The following NF1 variants were observed in gnomAD, a reference collection of about 807,000 sequenced individuals.
NF1 encodes neurofibromin.
A neutral mutation model predicts 325.7 loss-of-function variants in NF1; 122 were observed. The ratio of observed to expected loss-of-function variants is 0.37; its 90% CI spans 0.32 to 0.44. NF1 has a LOEUF of 0.44. NF1 is among the 20% of genes least tolerant of loss of function. The pLI is 1.00. For synonymous variants in NF1, 1,091 were observed against 1,186.0 expected, an observed-to-expected ratio of 0.92 and a Z score of 1.65; for missense variants, 2,140 against 3,415.4, an observed-to-expected ratio of 0.63 and a Z score of 9.31.
intron 14 of NF1, among the ~76,000 whole-genome samples, chr17:31,221,579 T>G (rs986109799): frequency 4.6e-5 from 7 of 152,174 alleles, no homozygotes; most frequent in African/African-American, 1.4e-4. Context: ...TTTACAGTTA[T>G]ATATTGTTCC....
chr17:31,127,223 C>T (rs1042500695), intron 1 of NF1, among the ~76,000 whole-genome samples: 4 of 152,082 alleles, frequency 2.6e-5, no homozygotes, highest in Non-Finnish European at 5.9e-5. Flanking sequence ...TAAAGTATGG[C>T]AGGTCCCCAA....
At chr17:31,296,333 A>G (rs375821203) in intron 36 of NF1, 43 of 1,613,910 alleles carry the variant, frequency 2.7e-5, no homozygotes, top group Admixed American at 3.3e-5. Flanking sequence ...ATATTCCATC[A>G]AAGCCTAGAA....
chr17:31,119,365 C>T (rs1000947345), intron 1 of NF1, among the ~76,000 whole-genome samples: 2 of 151,932 alleles, frequency 1.3e-5, no homozygotes, highest in African/African-American at 4.8e-5. Context: ...TCTCTAATGA[C>T]CAGTGATGAT....
At chr17:31,140,697 C>A (rs1327302943) in intron 1 of NF1, among the ~76,000 whole-genome samples, 1 of 152,114 alleles carries the variant, frequency 6.6e-6, no homozygotes. Flanking sequence ...ATGGAAACAA[C>A]CTAAATGTCT....
intron 48 of NF1, chr17:31,346,150 C>G (rs2069977424): frequency 6.2e-7 from 1 of 1,611,186 alleles, no homozygotes; most frequent in East Asian, 2.2e-5. Flanking sequence ...ACACTTTTCT[C>G]AAACAAGATC....
intron 36 of NF1, among the ~76,000 whole-genome samples, chr17:31,298,540 C>T (rs1334576190): frequency 6.6e-6 from 1 of 152,082 alleles, no homozygotes; most frequent in Non-Finnish European, 1.5e-5. Context: ...ACAAGAGAAA[C>T]TATACTCTAG....
At chr17:31,255,568 T>G (rs956324872) in intron 31 of NF1, among the ~76,000 whole-genome samples, 17 of 152,198 alleles carry the variant, frequency 1.1e-4, no homozygotes, top group African/African-American at 3.9e-4. Context: ...ACAGTATGTG[T>G]TCCTGAGGTG....
intron 36 of NF1, among the ~76,000 whole-genome samples, chr17:31,266,921 T>G (rs894953712): frequency 2.7e-5 from 4 of 146,634 alleles, no homozygotes; most frequent in Non-Finnish European, 4.5e-5. Flanking sequence ...CTGCTGCTTA[T>G]TAGCTGCATA....
At chr17:31,183,009 T>G (rs17883361) in intron 8 of NF1, 222 of 544,390 alleles carry the variant, frequency 4.1e-4, no homozygotes, top group African/African-American at 3.7e-3. Flanking sequence ...ACTTTTATAG[T>G]GTGTTATTTG....
chr17:31,118,339 T>A (rs1914135328), intron 1 of NF1, among the ~76,000 whole-genome samples: 1 of 151,962 alleles, frequency 6.6e-6, no homozygotes, highest in African/African-American at 2.4e-5. Flanking sequence ...ACGTGCAGAA[T>A]GTGCAGGTTT....
intron 1 of NF1, among the ~76,000 whole-genome samples, chr17:31,132,212 G>A (rs930930358): frequency 2.0e-5 from 3 of 151,944 alleles, no homozygotes; most frequent in Admixed American, 6.5e-5. Flanking sequence ...GATTACAGGC[G>A]TGAGCCACTG....
At chr17:31,193,915 G>A (rs1192149724) in intron 8 of NF1, among the ~76,000 whole-genome samples, 2 of 152,192 alleles carry the variant, frequency 1.3e-5, no homozygotes, top group East Asian at 1.9e-4. Flanking sequence ...GTGGAGATAA[G>A]TGAACTCTTA....
At chr17:31,294,245 A>G (rs1471995796) in intron 36 of NF1, among the ~76,000 whole-genome samples, 1 of 152,206 alleles carries the variant, frequency 6.6e-6, no homozygotes, top group Non-Finnish European at 1.5e-5. Flanking sequence ...TCTGCACTAA[A>G]ACTGCTTCTT....
intron 57 of NF1, 99 bp from the exon 58 acceptor site, chr17:31,373,914 T>G (rs1346210371): frequency 2.0e-5 from 30 of 1,474,488 alleles, no homozygotes; most frequent in Non-Finnish European, 2.5e-5. Flanking sequence ...AATGATTGTT[T>G]CCTAGAATGT....
In NF1 at chr17:31,104,021, T is replaced by A. The variant is rs534540464; in HGVS notation, c.60+8652T>A. Among the ~76,000 whole-genome samples, 720 of 150,368 alleles carry A rather than the reference T, an allele frequency of 4.8e-3. 8 individuals are homozygous for A. The highest frequency in any genetic ancestry group is 0.017 in the African/African-American group (683 of 40,964). ...GGGTGAGACCCTGTCTCAAAAAAAA[T>A]TTTTTTTTTTAATATGGAGAAAGTA... On this transcript the variant is annotated intron_variant, in intron 1 of 57. Transcript: ENST00000358273.
chr17:31,356,083 C>G (rs918647617), intron 51 of NF1: 3 of 177,982 alleles, frequency 1.7e-5, no homozygotes, highest in Admixed American at 1.1e-4. Flanking sequence ...AGCAGCGTTT[C>G]TTAAACTGAA....
chr17:31,337,667 T>C (rs2069711967), intron 43 of NF1, 85 bp downstream of exon 43: 2 of 1,429,716 alleles, frequency 1.4e-6, no homozygotes, highest in Admixed American at 3.7e-5. Context: ...TATTGGTTTA[T>C]TGTGCTATTT....
chr17:31,260,623 G>A (rs1395891501), intron 34 of NF1, 108 bp downstream of exon 34: 14 of 1,287,436 alleles, frequency 1.1e-5, no homozygotes, highest in Non-Finnish European at 1.6e-5. Context: ...CTTGGACTAA[G>A]AATTATGGTT....
chr17:31,222,161 C>G (rs1230786693), intron 15 of NF1: 1 of 1,250,362 alleles, frequency 8.0e-7, no homozygotes, highest in Non-Finnish European at 1.0e-6. Context: ...TTTTGTCACC[C>G]TAACATAAGT....
Sources: allele counts gnomAD v4.1 joint callset (sites outside exome capture counted in the v4.1 genomes callset), GRCh38; gene constraint gnomAD v4.1.1; transcripts MANE v1.5; gene names NCBI Gene and HGNC (gene_info 2026-07-23, HGNC 2026-07-21).